RERE: variants seen among roughly 807,000 people sequenced by gnomAD.
RERE encodes arginine-glutamic acid dipeptide repeats, also known as arginine-glutamic acid dipeptide repeats protein.
A neutral mutation model predicts 146.1 loss-of-function variants in RERE; 40 were observed. The observed-to-expected ratio is 0.27, with a 90% CI of 0.21 to 0.36. The LOEUF is 0.36. Among genes scored for constraint, RERE ranks in the 10% least tolerant of loss-of-function variants. The pLI, the probability that RERE is intolerant of heterozygous loss-of-function variation, is 1.00. For synonymous variants in RERE, 1,003 were observed against 866.0 expected (o/e 1.16, Z -2.78); for missense variants, 1,933 against 2,138.7 (o/e 0.90, Z 1.90).
At chr1:8,700,216 A>AATC (rs1557489725) in intron 1 of RERE, among the ~76,000 whole-genome samples, 2 of 152,172 alleles carry the variant, frequency 1.3e-5, no homozygotes, top group Non-Finnish European at 2.9e-5. Flanking sequence ...GAGGCTGGAG[A>AATC]ATCACTTGAA....
intron 6 of RERE, 105 bp from the exon 7 acceptor site, chr1:8,541,423 T>C: frequency 1.6e-6 from 1 of 644,258 alleles, no homozygotes. Context: ...TCCATGTGCA[T>C]GGAGAATCGG....
At chr1:8,733,134 A>T (rs901899751) in intron 1 of RERE, among the ~76,000 whole-genome samples, 5 of 151,906 alleles carry the variant, frequency 3.3e-5, no homozygotes, top group Non-Finnish European at 7.4e-5. Context: ...TTTTTCTATA[A>T]ATCTAAAAGT....
At chr1:8,572,001 C>A (rs1041023631) in intron 4 of RERE, among the ~76,000 whole-genome samples, 1 of 152,198 alleles carries the variant, frequency 6.6e-6, no homozygotes, top group African/African-American at 2.4e-5. Context: ...GCACCAACAA[C>A]AACATACGGA....
chr1:8,769,587 C>G (rs1569755843), intron 1 of RERE, among the ~76,000 whole-genome samples: 1 of 152,266 alleles, frequency 6.6e-6, no homozygotes, highest in African/African-American at 2.4e-5. Flanking sequence ...TCAAGCGATC[C>G]TCCCATGTCA....
At chr1:8,521,750 C>G (rs568531852) in intron 7 of RERE, among the ~76,000 whole-genome samples, 1 of 152,288 alleles carries the variant, frequency 6.6e-6, no homozygotes, top group Admixed American at 6.5e-5. Flanking sequence ...TAGGTGGAAT[C>G]TGAACCACAC....
chr1:8,787,004 A>G, intron 1 of RERE: 1 of 589,792 alleles, frequency 1.7e-6, no homozygotes, highest in Non-Finnish European at 3.0e-6. Context: ...TAAGACAGAG[A>G]TCAGATTCTG....
rs869173167 is a variant in RERE, at chr1:8,774,951, C to CTT, written c.-145+42207_-145+42208dup. Among the ~76,000 whole-genome samples, 108 of 47,942 alleles carry CTT rather than the reference C, an allele frequency of 2.3e-3. 4 individuals carry two copies. The highest frequency in any genetic ancestry group is 4.5e-3 in the Admixed American group (16 of 3,540). 31.5% of individuals were successfully genotyped at this position (47,942 alleles called of 152,430 possible). ...TCATAGTAGCATTTCTTCTTTCTTT[C>CTT]TTTTTTTTTTTTTTTTTTTTTTTTT... On this transcript the variant is annotated intron_variant, in intron 1 of 22. Transcript: ENST00000400908.
chr1:8,749,973 G>A (rs1462907360), intron 1 of RERE, among the ~76,000 whole-genome samples: 3 of 151,988 alleles, frequency 2.0e-5, no homozygotes, highest in Admixed American at 6.6e-5. Context: ...CCCACACAGC[G>A]AAACCTCATC....
chr1:8,668,766 G>C (rs370850918), intron 1 of RERE, among the ~76,000 whole-genome samples: 1 of 152,278 alleles, frequency 6.6e-6, no homozygotes, highest in Non-Finnish European at 1.5e-5. Flanking sequence ...CAGATCCATA[G>C]GGACAGAGAG....
intron 8 of RERE, among the ~76,000 whole-genome samples, chr1:8,498,273 G>A (rs1645072976): frequency 6.6e-6 from 1 of 152,164 alleles, no homozygotes; most frequent in South Asian, 2.1e-4. Context: ...GCAGAGAACT[G>A]CTTAAACCCG....
chr1:8,550,818 G>A (rs1349933007), intron 6 of RERE, among the ~76,000 whole-genome samples: 1 of 152,194 alleles, frequency 6.6e-6, no homozygotes, highest in African/African-American at 2.4e-5. Flanking sequence ...AAAGTGCTGG[G>A]ATTACAGGCG....
chr1:8,645,420 C>T (rs972436458), intron 2 of RERE, among the ~76,000 whole-genome samples: 14 of 152,192 alleles, frequency 9.2e-5, no homozygotes, highest in Non-Finnish European at 8.8e-5. Context: ...AAGTGACAAG[C>T]ATGCTGGGTA....
chr1:8,359,817 CCTT>C lies in RERE; in HGVS notation c.3562_3564del (p.Lys1188del). 1.2e-6 allele frequency: 2 copies of C among 1,607,152 alleles called. No individual in the cohort carries two copies. Among genetic ancestry groups the C allele is most frequent in the Non-Finnish European group, 8.5e-7 (1 of 1,179,722 alleles). ...TCTCGCTCCCGCTCCCGCTCCTTCTCCTTCTCCTTCTCCCGCTCTCGCTCCTCT... is the reference window on the plus strand; with the variant it reads ...TCTCGCTCCCGCTCCCGCTCCTTCTCCTCCTTCTCCCGCTCTCGCTCCTCT... On this transcript the variant is annotated inframe_deletion, in exon 19 of 23. Transcript: ENST00000400908.
chr1:8,479,049 A>G (rs1644797192), intron 10 of RERE, among the ~76,000 whole-genome samples: 1 of 152,188 alleles, frequency 6.6e-6, no homozygotes, highest in Admixed American at 6.6e-5. Flanking sequence ...ACTACTAGAA[A>G]TATTTTTATA....
intron 1 of RERE, among the ~76,000 whole-genome samples, chr1:8,801,069 A>G (rs1160775611): frequency 2.0e-5 from 3 of 152,052 alleles, no homozygotes; most frequent in Admixed American, 2.0e-4. Context: ...GACCAGCCTG[A>G]GCAACATGGT....
chr1:8,591,482 A>G (rs1646493054), intron 4 of RERE, among the ~76,000 whole-genome samples: 1 of 152,106 alleles, frequency 6.6e-6, no homozygotes, highest in South Asian at 2.1e-4. Context: ...TGAAAATCCA[A>G]GTATCATCAC....
Position 8,530,679 on chromosome 1 carries a change from C to CTTTTT in RERE, c.830+10530_830+10534dup, listed in dbSNP as rs1197212764. Among the ~76,000 whole-genome samples, 265 of 96,864 alleles carry CTTTTT rather than the reference C, an allele frequency of 2.7e-3. 8 individuals are homozygous for CTTTTT. Among genetic ancestry groups the CTTTTT allele is most frequent in the East Asian group, 4.7e-3 (16 of 3,396 alleles). 63.5% of individuals were successfully genotyped at this position (96,864 alleles called of 152,430 possible). A position where few individuals can be genotyped will look rare whatever the true frequency, so the allele number is the denominator to read the frequency against. On this transcript the variant is annotated intron_variant, in intron 7 of 22. Coordinates refer to ENST00000400908, the MANE Select transcript of RERE (RefSeq NM_001042681.2). ...AGACATGGAACTGAGTTTTCGTTTT[C>CTTTTT]TTTTTTTTTTTTTTTTTTTTTTTGA...
At chr1:8,413,773 T>C (rs1288309361) in intron 12 of RERE, among the ~76,000 whole-genome samples, 1 of 151,970 alleles carries the variant, frequency 6.6e-6, no homozygotes, top group Admixed American at 6.6e-5. Flanking sequence ...GAGGGAACTT[T>C]AGCAGGGCAC....
At chr1:8,711,282 A>G (rs1012692482) in intron 1 of RERE, among the ~76,000 whole-genome samples, 9 of 151,962 alleles carry the variant, frequency 5.9e-5, no homozygotes, top group Non-Finnish European at 1.0e-4. Context: ...AAAAAATACA[A>G]CTTTCCACTA....
Sources: allele counts gnomAD v4.1 joint callset (sites outside exome capture counted in the v4.1 genomes callset), GRCh38; gene constraint gnomAD v4.1.1; transcripts MANE v1.5; gene names NCBI Gene and HGNC (gene_info 2026-07-23, HGNC 2026-07-21).